The following IFT80 variants were observed in gnomAD, a reference collection of about 807,000 sequenced individuals.
IFT80 encodes intraflagellar transport 80.
In IFT80, 79 loss-of-function variants were observed where a neutral mutation model predicts 107.9. The observed-to-expected ratio is 0.73, with a 90% CI of 0.61 to 0.88. The LOEUF is 0.88. Ranked by LOEUF, IFT80 falls within the 40% of genes least tolerant of loss-of-function variation. IFT80 has a pLI of 0.00. For synonymous variants in IFT80, 299 were observed against 300.9 expected (o/e 0.99, Z 0.07); for missense variants, 797 against 914.2 (o/e 0.87, Z 1.65).
At chr3:160,383,503 T>C in intron 2 of IFT80, 1 of 882,030 alleles carries the variant, frequency 1.1e-6, no homozygotes, top group Non-Finnish European at 1.4e-6. Flanking sequence ...GACCAGATTT[T>C]TCTTTATTTC....
At chr3:160,302,597 T>C (rs929108765) in intron 11 of IFT80, among the ~76,000 whole-genome samples, 1 of 152,100 alleles carries the variant, frequency 6.6e-6, no homozygotes, top group Admixed American at 6.6e-5. Context: ...TTTATGCCAT[T>C]AATATATGTC....
intron 3 of IFT80, among the ~76,000 whole-genome samples, chr3:160,378,645 T>TA (rs765630980): frequency 6.7e-5 from 10 of 150,128 alleles, no homozygotes; most frequent in Non-Finnish European, 1.2e-4. Flanking sequence ...CATATAAAAT[T>TA]TAAAAAAAAA....
At chr3:160,330,121 A>G (rs1718983372) in intron 8 of IFT80, among the ~76,000 whole-genome samples, 1 of 152,230 alleles carries the variant, frequency 6.6e-6, no homozygotes, top group Non-Finnish European at 1.5e-5. Context: ...TCTTATGCAC[A>G]TAAAGTTAGG....
At chr3:160,312,900 TATATAATAA>T (rs1454240775) in intron 9 of IFT80, among the ~76,000 whole-genome samples, 2 of 35,464 alleles carry the variant, frequency 5.6e-5, no homozygotes, top group Non-Finnish European at 1.0e-4. Context: ...AAATATATAA[TATATAATAA>T]ATATATATTA....
chr3:160,357,458 C>T, intron 7 of IFT80, 31 bp downstream of exon 7: 3 of 1,149,694 alleles, frequency 2.6e-6, no homozygotes, highest in Admixed American at 3.6e-5. Context: ...TTGATTATTT[C>T]AGCCAAGTGA....
intron 5 of IFT80, among the ~76,000 whole-genome samples, chr3:160,369,574 GTAT>G (rs1722093234): frequency 6.6e-6 from 1 of 151,744 alleles, no homozygotes; most frequent in South Asian, 2.1e-4. Context: ...GAAATAATTT[GTAT>G]TATTATGAAA....
intron 9 of IFT80, among the ~76,000 whole-genome samples, chr3:160,308,818 G>A (rs1219041991): frequency 1.3e-5 from 2 of 152,162 alleles, no homozygotes; most frequent in African/African-American, 4.8e-5. Flanking sequence ...TCACCAACAT[G>A]ACAGTATTAG....
At chr3:160,378,050 T>G (rs1366414131) in intron 3 of IFT80, among the ~76,000 whole-genome samples, 2 of 152,194 alleles carry the variant, frequency 1.3e-5, no homozygotes, top group African/African-American at 2.4e-5. Flanking sequence ...TTATGTCCTT[T>G]AAAGTTTTAC....
chr3:160,325,390 T>G (rs1308800170), intron 8 of IFT80, among the ~76,000 whole-genome samples: 2 of 152,102 alleles, frequency 1.3e-5, no homozygotes, highest in Admixed American at 1.3e-4. Context: ...AAGGAATGTC[T>G]TACTAAAATT....
intron 18 of IFT80, among the ~76,000 whole-genome samples, chr3:160,271,878 C>T (rs1338961384): frequency 6.6e-6 from 1 of 150,826 alleles, no homozygotes; most frequent in African/African-American, 2.4e-5. Context: ...CAAAAAATAC[C>T]ATGAAAAACC....
intron 18 of IFT80, among the ~76,000 whole-genome samples, chr3:160,273,644 T>A (rs896826134): frequency 3.3e-5 from 5 of 152,244 alleles, no homozygotes; most frequent in Non-Finnish European, 7.4e-5. Context: ...AAATTTGAGC[T>A]AAAAAATGTG....
Position 160,307,748 on chromosome 3 carries a change from G to C in IFT80, c.991C>G (p.Leu331Val). The C allele has an allele frequency of 6.3e-7, 1 of 1,598,242 alleles. No homozygotes were observed. The highest frequency in any genetic ancestry group is 8.6e-7 in the Non-Finnish European group (1 of 1,165,722). The change falls in exon 10 of 20, where the codon CTG (leucine) becomes GTG (valine). Residue 331 changes from leucine (L) to valine (V), a missense_variant. Physicochemically the swap from Leu to Val is conservative, Grantham distance 32. Transcript: ENST00000326448. ...RNVLNDAVDL[L>V]EFRDRVIKAS... ...TTAATGACTCTATCACGGAATTCCA[G>C]TAAATCCACTGCATCATTAAGAACA...
chr3:160,282,461 TATTAAA>T lies in IFT80; in HGVS notation c.1516+11_1516+16del, dbSNP rs1559917729. The T allele has an allele frequency of 6.7e-7, 1 of 1,502,578 alleles. No homozygotes were observed. The allele number at this position is 1,502,578 out of a possible 1,614,324, so 93.1% of individuals were successfully genotyped here. On this transcript the variant is annotated intron_variant, in intron 14 of 19. Transcript: ENST00000326448. ...AAGTTGACAATTAAAACTTAAAATGTATTAAAATTATTTTACCAAGCTTGATAATTT... is the reference window on the plus strand; with the variant it reads ...AAGTTGACAATTAAAACTTAAAATGTATTATTTTACCAAGCTTGATAATTT...
chr3:160,309,611 C>T (rs964682195), intron 9 of IFT80, among the ~76,000 whole-genome samples: 25 of 151,906 alleles, frequency 1.6e-4, no homozygotes, highest in African/African-American at 5.3e-4. Flanking sequence ...GGCATGACCC[C>T]GGGAGGTGGA....
At chr3:160,329,173 G>A (rs942126222) in intron 8 of IFT80, among the ~76,000 whole-genome samples, 6 of 151,968 alleles carry the variant, frequency 3.9e-5, no homozygotes, top group African/African-American at 1.5e-4. Context: ...GGGGAGACAG[G>A]GTTGTATTTT....
chr3:160,258,094 C>A lies in IFT80; in HGVS notation c.*431G>T. 1 of 205,342 alleles carries A rather than the reference C, an allele frequency of 4.9e-6. No individual in the cohort carries two copies. Among genetic ancestry groups the A allele is most frequent in the Non-Finnish European group, 9.9e-6 (1 of 101,114 alleles). The allele number at this position is 205,342 out of a possible 1,614,324, so 12.7% of individuals were successfully genotyped here. On this transcript the variant is annotated 3_prime_UTR_variant, in exon 20 of 20. Coordinates refer to ENST00000326448, the MANE Select transcript of IFT80 (RefSeq NM_020800.3). ...GGCATTTTATACATTTGTACAAATC[C>A]ATCCTCATGTATTTTTGTTCTATAA...
At chr3:160,302,631 A>G (rs946489377) in intron 11 of IFT80, among the ~76,000 whole-genome samples, 2 of 152,112 alleles carry the variant, frequency 1.3e-5, no homozygotes, top group Non-Finnish European at 2.9e-5. Flanking sequence ...TATTCAATAA[A>G]TACATTTATA....
intron 9 of IFT80, 30 bp from the exon 10 acceptor site, chr3:160,307,811 A>G (rs893127470): frequency 1.0e-5 from 11 of 1,088,524 alleles, no homozygotes; most frequent in Non-Finnish European, 1.4e-5. Flanking sequence ...ATACCAATAA[A>G]CATTATAACA....
chr3:160,383,532 T>C, intron 2 of IFT80: 1 of 774,140 alleles, frequency 1.3e-6, no homozygotes, highest in Non-Finnish European at 1.6e-6. Context: ...TGCATATGGA[T>C]ATTTCGTAAG....
Sources: gnomAD v4.1 joint callset for allele counts (sites outside exome capture counted in the v4.1 genomes callset) on GRCh38, gnomAD v4.1.1 for gene constraint, MANE v1.5 for transcripts, NCBI Gene and HGNC (gene_info 2026-07-23, HGNC 2026-07-21) for gene names.